COL5A1: variants seen among roughly 807,000 people sequenced by gnomAD.
COL5A1 encodes the protein collagen type V alpha 1 chain.
COL5A1 carries 16 observed loss-of-function variants against 263.7 expected under a neutral mutation model. The ratio of observed to expected loss-of-function variants is 0.06; its 90% CI spans 0.04 to 0.09. COL5A1 has a LOEUF of 0.09. COL5A1 is among the 10% of genes least tolerant of loss of function. The probability of loss-of-function intolerance (pLI) is 1.00; values close to 1 mark genes in which losing one functional copy is unlikely to be tolerated. For synonymous variants in COL5A1, 1,012 were observed against 1,004.5 expected (o/e 1.01, Z -0.14); for missense variants, 2,036 against 2,540.5 (o/e 0.80, Z 4.27).
chr9:134,768,387 A>C (rs549676100), intron 24 of COL5A1, 23 bp from the exon 25 acceptor site: 1 of 1,612,204 alleles, frequency 6.2e-7, no homozygotes, highest in South Asian at 1.1e-5. Flanking sequence ...GCATCTCCTC[A>C]TGGAGTCTCT....
intron 48 of COL5A1, 113 bp from the exon 49 acceptor site, chr9:134,813,870 G>GA (rs1588580613): frequency 1.7e-6 from 2 of 1,180,704 alleles, no homozygotes; most frequent in East Asian, 5.1e-5. Flanking sequence ...CCTGGGTCCT[G>GA]GGTGCCCAGG....
chr9:134,828,668 A>G (rs1839417583), intron 63 of COL5A1, among the ~76,000 whole-genome samples: 1 of 151,610 alleles, frequency 6.6e-6, no homozygotes, highest in African/African-American at 2.4e-5. Flanking sequence ...ACACACACCC[A>G]TAATGCGCCA....
At chr9:134,840,274 A>G (rs948947397) in intron 65 of COL5A1, among the ~76,000 whole-genome samples, 1 of 152,184 alleles carries the variant, frequency 6.6e-6, no homozygotes, top group Non-Finnish European at 1.5e-5. Context: ...GCAGTAACAG[A>G]AAGGTGTTCC....
At chr9:134,710,957 C>T (rs369664400) in intron 4 of COL5A1, among the ~76,000 whole-genome samples, 6 of 85,262 alleles carry the variant, frequency 7.0e-5, no homozygotes, top group African/African-American at 1.5e-4. Context: ...GGGGCCCCGT[C>T]TGTTGGGTGC....
chr9:134,646,410 C>CGT lies in COL5A1; in HGVS notation c.109+4116_109+4117dup, dbSNP rs539943572. Among the ~76,000 whole-genome samples, 549 of 152,236 alleles carry CGT rather than the reference C, an allele frequency of 3.6e-3. 5 individuals carry two copies. Among genetic ancestry groups the CGT allele is most frequent in the African/African-American group, 0.013 (526 of 41,532 alleles). The stretch of plus-strand genomic sequence containing the variant: ...TTTTATTGCAGAAATGACCCTCCTT[C>CGT]GTGGGGTCCTCCTCCACCTCTGGCT... On this transcript the variant is annotated intron_variant, in intron 1 of 65. Coordinates refer to ENST00000371817, the MANE Select transcript of COL5A1 (RefSeq NM_000093.5).
chr9:134,693,243 G>C (rs1449382802), intron 2 of COL5A1, among the ~76,000 whole-genome samples: 1 of 151,678 alleles, frequency 6.6e-6, no homozygotes, highest in Non-Finnish European at 1.5e-5. Flanking sequence ...GGTGAGCGAG[G>C]TTACCGTGAC....
chr9:134,739,311 C>T (rs992212751), intron 11 of COL5A1, among the ~76,000 whole-genome samples: 3 of 152,254 alleles, frequency 2.0e-5, no homozygotes, highest in African/African-American at 4.8e-5. Context: ...TTCCTTCTGA[C>T]ACCTGGTGGG....
chr9:134,786,150 G>A, intron 31 of COL5A1, 102 bp downstream of exon 31: 1 of 1,122,374 alleles, frequency 8.9e-7, no homozygotes. Context: ...GGCACAGGTG[G>A]AAGGATGTTC....
In COL5A1 at chr9:134,801,993, G is replaced by C. The variant is rs776676564; in HGVS notation, c.2992G>C (p.Val998Leu). The part of the protein sequence containing the change: ...GKTGPPGPPG[V>L]VGPQGPTGET... ...GACCGGCCCTCCAGGCCCCCCCGGC[G>C]TGGTCGGCCCTCAGGTAAGCTCCAG... Residue 998 changes from valine to leucine, a missense_variant, in exon 38 of 66, where the codon GTG becomes CTG. Val to Leu is a conservative substitution (Grantham distance 32). Around this residue, in one of 3 missense-constraint regions of COL5A1, gnomAD observed 1,078 missense variants for 1,521.4 expected, o/e 0.71. Coordinates refer to ENST00000371817, the MANE Select transcript of COL5A1 (RefSeq NM_000093.5). 1.2e-6 allele frequency: 2 copies of C among 1,613,398 alleles called. No individual in the cohort carries two copies. The highest frequency in any genetic ancestry group is 8.5e-7 in the Non-Finnish European group (1 of 1,180,032).
intron 29 of COL5A1, 69 bp downstream of exon 29, chr9:134,782,789 G>C: frequency 7.2e-7 from 1 of 1,385,100 alleles, no homozygotes; most frequent in Admixed American, 1.7e-5. Context: ...GGAGGGGGTG[G>C]GGATGTTTGC....
At chr9:134,648,651 A>G (rs1371105622) in intron 1 of COL5A1, among the ~76,000 whole-genome samples, 1 of 152,218 alleles carries the variant, frequency 6.6e-6, no homozygotes, top group Non-Finnish European at 1.5e-5. Flanking sequence ...CCTTGCCACC[A>G]GGGGCCCCAG....
rs1588509231 is a variant in COL5A1 at position 134,757,263 on chromosome 9, A to G, written c.1881+445A>G. ...ATGAATGAGGCTGCACCAGGCATGC[A>G]CCAGCTGTTGCTGTCGCCACTCATG... is the stretch of plus-strand genomic sequence containing the variant. On this transcript the variant is annotated intron_variant, in intron 17 of 65. Transcript: ENST00000371817. This position sits in a 1 kb window ranked among gnomAD's most constrained non-coding sequence, Gnocchi z 6.2. Among the ~76,000 whole-genome samples the G allele has an allele frequency of 6.6e-6, 1 of 152,144 alleles. No homozygotes were observed. The highest frequency in any genetic ancestry group is 1.5e-5 in the Non-Finnish European group (1 of 68,022).
intron 37 of COL5A1, 57 bp downstream of exon 37, chr9:134,798,518 G>T (rs140045613): frequency 6.5e-7 from 1 of 1,544,590 alleles, no homozygotes. Context: ...CACCCTGCAC[G>T]TGGGCACAGC....
intron 4 of COL5A1, among the ~76,000 whole-genome samples, chr9:134,701,544 G>C (rs1833677040): frequency 6.6e-6 from 1 of 152,210 alleles, no homozygotes; most frequent in South Asian, 2.1e-4. Context: ...CCGCCTGTAG[G>C]CCGCGTGGGG....
In COL5A1 at chr9:134,753,803, C is replaced by T. The variant is rs79679217; in HGVS notation, c.1720-47C>T. ...CCACCCCCAGCCCTTCCTGTGTTCT[C>T]GAGTCCCCACCTCGAGCAGACATTA... On this transcript the variant is annotated intron_variant, in intron 14 of 65. Transcript: ENST00000371817. 0.2 allele frequency: 249,225 copies of T among 1,257,210 alleles called. 24,323 individuals are homozygous for T. The highest frequency in any genetic ancestry group is 0.42 in the East Asian group (15,202 of 36,212). The allele number at this position is 1,257,210 out of a possible 1,614,324, so 77.9% of individuals were successfully genotyped here. A position where few individuals can be genotyped will look rare whatever the true frequency, so the allele number is the denominator to read the frequency against.
chr9:134,830,086 C>T (rs1170243956), intron 64 of COL5A1, 42 bp downstream of exon 64: 1 of 1,613,468 alleles, frequency 6.2e-7, no homozygotes, highest in Admixed American at 1.7e-5. Context: ...CACTTTAAAC[C>T]CGCCCATCTC....
rs1162169792 is a variant in COL5A1 at position 134,686,966 on chromosome 9, G to C, written c.110-3946G>C. On this transcript the variant is annotated intron_variant, in intron 1 of 65. Transcript: ENST00000371817. The surrounding 1 kb of genome is among the most constrained non-coding windows in gnomAD (Gnocchi z 4.6). ...GAAAGGGATTGAATGCAGGGAGTCA[G>C]GTGGATACAGTCTCCGGGAGACCCG... Among the ~76,000 whole-genome samples the C allele has an allele frequency of 6.6e-6, 1 of 152,204 alleles. No individual in the cohort carries two copies. Among genetic ancestry groups the C allele is most frequent in the Non-Finnish European group, 1.5e-5 (1 of 68,034 alleles).
rs960378088 is a variant in COL5A1, at chr9:134,647,114, C to T, written c.109+4818C>T. On this transcript the variant is annotated intron_variant, in intron 1 of 65. Transcript: ENST00000371817. This position sits in a 1 kb window ranked among gnomAD's most constrained non-coding sequence, Gnocchi z 5.0. ...GGAGGAAAGAGCAGTGTTCCCACAG[C>T]CCTCTTTAGCTCCCAGAAGCACAGG... Among the ~76,000 whole-genome samples, 8 of 152,158 alleles carry T rather than the reference C, an allele frequency of 5.3e-5. No individual in the cohort carries two copies. Among genetic ancestry groups the T allele is most frequent in the African/African-American group, 1.7e-4 (7 of 41,436 alleles).
intron 11 of COL5A1, among the ~76,000 whole-genome samples, chr9:134,745,523 G>T (rs571702495): frequency 5.3e-5 from 8 of 152,132 alleles, no homozygotes; most frequent in Admixed American, 1.3e-4. Context: ...AGCCCCTCCT[G>T]TGGATTTTCT....
Sources: gnomAD v4.1 joint callset for allele counts (sites outside exome capture counted in the v4.1 genomes callset) on GRCh38, gnomAD v4.1.1 for gene constraint, gnomAD v4.1.1 regional missense constraint, Gnocchi (gnomAD v3.1) non-coding constraint, MANE v1.5 for transcripts, NCBI Gene and HGNC (gene_info 2026-07-23, HGNC 2026-07-21) for gene names.